NFIA: variants seen among roughly 807,000 people sequenced by gnomAD.
NFIA encodes the protein nuclear factor 1 A-type.
In NFIA, 8 loss-of-function variants were observed where a neutral mutation model predicts 62.8. The observed-to-expected ratio is 0.13, with a 90% CI of 0.07 to 0.23. The LOEUF (loss-of-function observed/expected upper bound fraction) is 0.23, where lower values mean the gene tolerates loss of function less well. Among genes scored for constraint, NFIA ranks in the 10% least tolerant of loss-of-function variants. NFIA has a pLI of 1.00. For missense variants in NFIA, 410 were observed against 642.1 expected (o/e 0.64, Z 3.91); for synonymous variants, 235 against 238.1 (o/e 0.99, Z 0.12).
chr1:61,142,826 G>T (rs544473106), intron 2 of NFIA, among the ~76,000 whole-genome samples: 1 of 152,166 alleles, frequency 6.6e-6, no homozygotes, highest in African/African-American at 2.4e-5. Context: ...CATGGAAAGC[G>T]CCTGCCCCTG....
intron 2 of NFIA, among the ~76,000 whole-genome samples, chr1:61,211,797 G>A (rs564851393): frequency 4.6e-5 from 7 of 152,056 alleles, no homozygotes; most frequent in East Asian, 1.9e-4. Flanking sequence ...TCATGGGCTC[G>A]AGCCATCCTT....
At chr1:61,183,383 A>T (rs1334940421) in intron 2 of NFIA, among the ~76,000 whole-genome samples, 5 of 152,206 alleles carry the variant, frequency 3.3e-5, no homozygotes, top group African/African-American at 1.2e-4. Flanking sequence ...TAGTGGTGGC[A>T]GGGTGGTTTG....
chr1:61,083,493 A>C (rs564649316), intron 1 of NFIA, among the ~76,000 whole-genome samples: 3 of 152,076 alleles, frequency 2.0e-5, no homozygotes, highest in Non-Finnish European at 1.5e-5. Context: ...CGCCCCTCGG[A>C]CGCGGGCAGG....
chr1:61,382,676 C>T (rs1252184577), intron 6 of NFIA, among the ~76,000 whole-genome samples: 1 of 152,186 alleles, frequency 6.6e-6, no homozygotes, highest in Non-Finnish European at 1.5e-5. Flanking sequence ...CTTATTTAAC[C>T]AGTCCCCAAT....
At chr1:61,087,570 G>A (rs1646240825) in intron 1 of NFIA, among the ~76,000 whole-genome samples, 1 of 152,130 alleles carries the variant, frequency 6.6e-6, no homozygotes, top group African/African-American at 2.4e-5. Flanking sequence ...GGGGAATTTA[G>A]ACACTAGCAA....
chr1:61,360,742 A>C (rs1229712927), intron 6 of NFIA, among the ~76,000 whole-genome samples: 1 of 152,238 alleles, frequency 6.6e-6, no homozygotes, highest in Non-Finnish European at 1.5e-5. Flanking sequence ...TGTGGTGGTC[A>C]CAGTAATCTA....
intron 2 of NFIA, among the ~76,000 whole-genome samples, chr1:61,205,416 T>G (rs755370502): frequency 3.3e-5 from 5 of 152,196 alleles, no homozygotes; most frequent in Non-Finnish European, 7.3e-5. Flanking sequence ...GAGATGGGGC[T>G]TTCTCATAGG....
chr1:61,415,286 A>AT (rs1228899617), intron 9 of NFIA, among the ~76,000 whole-genome samples: 1 of 152,168 alleles, frequency 6.6e-6, no homozygotes, highest in Non-Finnish European at 1.5e-5. Context: ...TACAGGGCAA[A>AT]TTTTTATACT....
chr1:61,361,809 G>A (rs1663308389), intron 6 of NFIA, among the ~76,000 whole-genome samples: 1 of 151,534 alleles, frequency 6.6e-6, no homozygotes, highest in Non-Finnish European at 1.5e-5. Context: ...GTGTGTGTGT[G>A]TGTGTGTGTG....
At chr1:61,366,070 T>A (rs1319932274) in intron 6 of NFIA, among the ~76,000 whole-genome samples, 1 of 152,172 alleles carries the variant, frequency 6.6e-6, no homozygotes, top group African/African-American at 2.4e-5. Context: ...TGTCTCTTAG[T>A]CTTTTGATTG....
At chr1:61,439,700 G>A (rs1441648712) in intron 10 of NFIA, among the ~76,000 whole-genome samples, 1 of 152,138 alleles carries the variant, frequency 6.6e-6, no homozygotes, top group Non-Finnish European at 1.5e-5. Flanking sequence ...AAATCTTTCA[G>A]GTTAGAAGCC....
intron 10 of NFIA, among the ~76,000 whole-genome samples, chr1:61,436,080 C>T (rs908287270): frequency 2.0e-5 from 3 of 152,106 alleles, no homozygotes; most frequent in Admixed American, 1.3e-4. Flanking sequence ...GCTGGGTCAC[C>T]GTGTGCTGGT....
At chr1:61,084,722 A>G (rs1646188100) in intron 1 of NFIA, among the ~76,000 whole-genome samples, 1 of 152,222 alleles carries the variant, frequency 6.6e-6, no homozygotes, top group Admixed American at 6.5e-5. Flanking sequence ...AGCTCTGAAA[A>G]GATAAATTTA....
At chr1:61,327,314 TGTACAGTGG>T (rs1272101469) in intron 3 of NFIA, among the ~76,000 whole-genome samples, 2 of 151,918 alleles carry the variant, frequency 1.3e-5, no homozygotes, top group Non-Finnish European at 2.9e-5. Context: ...ATGGATGAAT[TGTACAGTGG>T]TGAAGTCTGA....
chr1:61,369,735 T>C (rs1317652844), intron 6 of NFIA, among the ~76,000 whole-genome samples: 11 of 152,136 alleles, frequency 7.2e-5, no homozygotes, highest in Admixed American at 7.2e-4. Context: ...CTGATGTTTA[T>C]TGAGCACTTA....
intron 3 of NFIA, among the ~76,000 whole-genome samples, chr1:61,313,809 G>A (rs1354336376): frequency 2.0e-5 from 3 of 152,142 alleles, no homozygotes; most frequent in Admixed American, 6.5e-5. Flanking sequence ...AAGTGCTTCC[G>A]CCTCTGGAGT....
chr1:61,272,320 G>T (rs372712427), intron 2 of NFIA, among the ~76,000 whole-genome samples: 1 of 151,918 alleles, frequency 6.6e-6, no homozygotes, highest in African/African-American at 2.4e-5. Flanking sequence ...AGTCTTTAAG[G>T]TCACGGTCAT....
chr1:61,451,857 A>G (rs1483331298), intron 10 of NFIA, among the ~76,000 whole-genome samples: 1 of 152,208 alleles, frequency 6.6e-6, no homozygotes, highest in African/African-American at 2.4e-5. Flanking sequence ...GAAGGCAGAA[A>G]GCATATGAAA....
chr1:61,178,201 G>A (rs1650526273), intron 2 of NFIA, among the ~76,000 whole-genome samples: 1 of 152,200 alleles, frequency 6.6e-6, no homozygotes, highest in African/African-American at 2.4e-5. Context: ...CTTTTAGGGT[G>A]ATATCACCCA....
Sources: gnomAD v4.1 joint callset for allele counts (sites outside exome capture counted in the v4.1 genomes callset) on GRCh38, gnomAD v4.1.1 for gene constraint, MANE v1.5 for transcripts, NCBI Gene and HGNC (gene_info 2026-07-23, HGNC 2026-07-21) for gene names.